SMPD3: variants seen among roughly 807,000 people sequenced by gnomAD.
SMPD3 encodes the protein nSMase-2.
Under a neutral mutation model 55.7 loss-of-function variants are expected in SMPD3, and 21 were observed. The observed-to-expected ratio is 0.38, with a 90% CI of 0.27 to 0.54. SMPD3 has a LOEUF of 0.54. Among genes scored for constraint, SMPD3 ranks in the 20% least tolerant of loss-of-function variants. The pLI, the probability that SMPD3 is intolerant of heterozygous loss-of-function variation, is 0.80. For synonymous variants in SMPD3, 457 were observed against 404.3 expected (o/e 1.13, Z -1.56); for missense variants, 842 against 899.6 (o/e 0.94, Z 0.82).
chr16:68,397,589 C>T (rs1409719024), intron 1 of SMPD3, among the ~76,000 whole-genome samples: 2 of 152,122 alleles, frequency 1.3e-5, no homozygotes, highest in African/African-American at 4.8e-5. Context: ...CTTTCATGGC[C>T]CCCAGGATAA....
intron 1 of SMPD3, among the ~76,000 whole-genome samples, chr16:68,392,363 G>A (rs1176946202): frequency 6.6e-6 from 1 of 152,162 alleles, no homozygotes; most frequent in African/African-American, 2.4e-5. Flanking sequence ...TAATGTGAGT[G>A]TTTTGAACAT....
chr16:68,446,245 G>A (rs2090608502), intron 1 of SMPD3, among the ~76,000 whole-genome samples: 2 of 152,126 alleles, frequency 1.3e-5, no homozygotes, highest in South Asian at 4.1e-4. Context: ...GTATGTCAGG[G>A]TCAGACCTGA....
intron 2 of SMPD3, among the ~76,000 whole-genome samples, chr16:68,379,509 A>G (rs1170763752): frequency 6.6e-6 from 1 of 152,240 alleles, no homozygotes; most frequent in Non-Finnish European, 1.5e-5. Flanking sequence ...TCCTGAAGAT[A>G]CAGCCGGAGC....
intron 2 of SMPD3, among the ~76,000 whole-genome samples, chr16:68,377,108 G>A (rs977742907): frequency 6.6e-6 from 1 of 152,222 alleles, no homozygotes; most frequent in Admixed American, 6.5e-5. Context: ...CCAGGATCCT[G>A]ACTGTCCCAG....
At chr16:68,440,511 A>C (rs1301588489) in intron 1 of SMPD3, among the ~76,000 whole-genome samples, 1 of 152,242 alleles carries the variant, frequency 6.6e-6, no homozygotes, top group Non-Finnish European at 1.5e-5. Flanking sequence ...TGAACTGCAA[A>C]TTCTATATTA....
chr16:68,413,277 C>T (rs1256062952), intron 1 of SMPD3, among the ~76,000 whole-genome samples: 1 of 152,158 alleles, frequency 6.6e-6, no homozygotes, highest in Non-Finnish European at 1.5e-5. Flanking sequence ...AGGCGAAGGC[C>T]CTTCTTCTGC....
chr16:68,426,128 A>G (rs1031128134), intron 1 of SMPD3, among the ~76,000 whole-genome samples: 10 of 152,194 alleles, frequency 6.6e-5, no homozygotes, highest in African/African-American at 2.4e-4. Flanking sequence ...AGTATCAATA[A>G]TCCTGTTCCA....
chr16:68,421,140 A>G (rs57355229), intron 1 of SMPD3, among the ~76,000 whole-genome samples: 2,817 of 152,296 alleles, frequency 0.018, 51 homozygotes, highest in South Asian at 0.057. Flanking sequence ...GTTCACAGCC[A>G]GAGACCACCA....
chr16:68,416,393 G>A (rs554126251), intron 1 of SMPD3, among the ~76,000 whole-genome samples: 9 of 152,074 alleles, frequency 5.9e-5, no homozygotes, highest in South Asian at 2.1e-4. Flanking sequence ...TCTACTTCCC[G>A]TCCCACTCTT....
chr16:68,433,827 A>G (rs969644780), intron 1 of SMPD3, among the ~76,000 whole-genome samples: 10 of 150,918 alleles, frequency 6.6e-5, no homozygotes, highest in African/African-American at 2.4e-4. Context: ...GAAATTCTAA[A>G]CCCTATCTAT....
In SMPD3 at chr16:68,361,134, G is replaced by A. The variant is rs1333472955; in HGVS notation, c.*72C>T. 2.6e-5 allele frequency: 37 copies of A among 1,414,764 alleles called. No individual in the cohort carries two copies. In the South Asian group the frequency reaches 3.3e-4, roughly 13 times the overall value. 87.6% of individuals were successfully genotyped at this position (1,414,764 alleles called of 1,614,324 possible). ...CTCCTCCCCCAAGCACCGGGCACTCGATGGAGGGGACATGGCCCAGGGATG... is the reference window on the plus strand; with the variant it reads ...CTCCTCCCCCAAGCACCGGGCACTCAATGGAGGGGACATGGCCCAGGGATG... On this transcript the variant is annotated 3_prime_UTR_variant, in exon 9 of 9. Transcript: ENST00000219334.
At chr16:68,398,974 T>C (rs1439235068) in intron 1 of SMPD3, among the ~76,000 whole-genome samples, 6 of 152,220 alleles carry the variant, frequency 3.9e-5, no homozygotes, top group Admixed American at 6.5e-5. Flanking sequence ...GGGGACTCAC[T>C]AACCTTTAAT....
chr16:68,446,447 C>T (rs2090610267), intron 1 of SMPD3, among the ~76,000 whole-genome samples: 2 of 149,796 alleles, frequency 1.3e-5, no homozygotes, highest in Admixed American at 1.4e-4. Flanking sequence ...ACCCCCACAA[C>T]ATCCAAGCCC....
At position 68,372,115 on chromosome 16, in the gene SMPD3, G is replaced by A; in HGVS notation, c.67C>T (p.Leu23Phe). 1 of 1,612,874 alleles carries A rather than the reference G, an allele frequency of 6.2e-7. No homozygotes were observed. The highest frequency in any genetic ancestry group is 2.2e-5 in the East Asian group (1 of 44,818). The change falls in exon 3 of 9, where the codon CTT (leucine) becomes TTT (phenylalanine). Residue 23 changes from leucine to phenylalanine, a missense_variant. Transcript: ENST00000219334. ...LSALHCVSWA[L>F]IFPCYWLVDR... ...ACCAGCCAGTAGCATGGAAAGATAA[G>A]GGCCCAGGACACACAGTGCAGGGCG...
chr16:68,440,639 C>A (rs1337652912), intron 1 of SMPD3, among the ~76,000 whole-genome samples: 1 of 152,224 alleles, frequency 6.6e-6, no homozygotes, highest in Non-Finnish European at 1.5e-5. Context: ...TTAATCCTCA[C>A]TACAACCTGC....
chr16:68,436,884 T>C (rs541688529), intron 1 of SMPD3, among the ~76,000 whole-genome samples: 3 of 152,158 alleles, frequency 2.0e-5, no homozygotes, highest in Non-Finnish European at 4.4e-5. Flanking sequence ...GCTTCTGAAA[T>C]ACACCAGCCT....
intron 1 of SMPD3, among the ~76,000 whole-genome samples, chr16:68,427,018 A>T: frequency 7.7e-6 from 1 of 129,880 alleles, no homozygotes; most frequent in Non-Finnish European, 1.6e-5. Context: ...TTTTTTTGAG[A>T]CAGAGTCTTG....
At chr16:68,388,008 G>A (rs2090075720) in intron 1 of SMPD3, among the ~76,000 whole-genome samples, 2 of 152,280 alleles carry the variant, frequency 1.3e-5, no homozygotes, top group African/African-American at 4.8e-5. Context: ...ATCGGTCTTG[G>A]GCAAGTCATT....
At chr16:68,421,629 T>A (rs2090395087) in intron 1 of SMPD3, among the ~76,000 whole-genome samples, 1 of 152,166 alleles carries the variant, frequency 6.6e-6, no homozygotes, top group Admixed American at 6.6e-5. Context: ...CTCTACCACC[T>A]CCCAGACACA....
Sources: gnomAD v4.1 joint callset for allele counts (sites outside exome capture counted in the v4.1 genomes callset) on GRCh38, gnomAD v4.1.1 for gene constraint, MANE v1.5 for transcripts, NCBI Gene and HGNC (gene_info 2026-07-23, HGNC 2026-07-21) for gene names.